RPRD1A: variants seen among roughly 807,000 people sequenced by gnomAD.
The protein encoded by RPRD1A is regulation of nuclear pre-mRNA domain containing 1A.
A neutral mutation model predicts 37.8 loss-of-function variants in RPRD1A; 9 were observed. That is an observed-to-expected ratio of 0.24 (90% confidence interval 0.14 to 0.42). The LOEUF (loss-of-function observed/expected upper bound fraction) is 0.42, where lower values mean the gene tolerates loss of function less well. RPRD1A is among the 10% of genes least tolerant of loss of function. The pLI, the probability that RPRD1A is intolerant of heterozygous loss-of-function variation, is 1.00. For missense variants in RPRD1A, 255 were observed against 371.0 expected (o/e 0.69, Z 2.57); for synonymous variants, 138 against 139.7 (o/e 0.99, Z 0.08).
At chr18:36,018,503 G>A (rs1378648040) in intron 6 of RPRD1A, among the ~76,000 whole-genome samples, 1 of 152,066 alleles carries the variant, frequency 6.6e-6, no homozygotes, top group Non-Finnish European at 1.5e-5. Context: ...TCGATGTCCT[G>A]ACCTCGTGAT....
intron 6 of RPRD1A, among the ~76,000 whole-genome samples, chr18:36,015,171 TATACAC>T (rs1397457240): frequency 2.2e-4 from 20 of 90,052 alleles, no homozygotes; most frequent in African/African-American, 6.8e-4. Context: ...TATACACATA[TATACAC>T]ACACACACAC....
chr18:36,012,128 A>G (rs1291357389), intron 6 of RPRD1A, among the ~76,000 whole-genome samples: 3 of 152,214 alleles, frequency 2.0e-5, no homozygotes, highest in Admixed American at 2.0e-4. Context: ...AATGGACTGC[A>G]TATACAACAG....
At chr18:36,024,300 C>A (rs1911210181) in intron 6 of RPRD1A, among the ~76,000 whole-genome samples, 1 of 151,082 alleles carries the variant, frequency 6.6e-6, no homozygotes, top group South Asian at 2.1e-4. Flanking sequence ...GCACCCACCA[C>A]CACACCTGGT....
chr18:35,996,096 TAA>T (rs1488691650), intron 6 of RPRD1A, among the ~76,000 whole-genome samples: 1 of 152,172 alleles, frequency 6.6e-6, no homozygotes, highest in African/African-American at 2.4e-5. Context: ...AAAATCTGAA[TAA>T]AGTGTGGCCT....
At chr18:36,008,577 G>GTGTGTGTGTGTGTATATATA in intron 6 of RPRD1A, among the ~76,000 whole-genome samples, 3 of 47,800 alleles carry the variant, frequency 6.3e-5, no homozygotes, top group East Asian at 1.6e-3. Flanking sequence ...CCTTGTGTGT[G>GTGTGTGTGTGTGTATATATA]TATATATATA....
intron 6 of RPRD1A, among the ~76,000 whole-genome samples, chr18:36,021,700 C>T (rs1489394712): frequency 6.6e-6 from 1 of 152,154 alleles, no homozygotes; most frequent in Non-Finnish European, 1.5e-5. Context: ...TCGAAGGAAA[C>T]TAAAATCGCC....
chr18:36,017,714 T>C (rs1195920652), intron 6 of RPRD1A, among the ~76,000 whole-genome samples: 3 of 152,240 alleles, frequency 2.0e-5, no homozygotes, highest in Non-Finnish European at 4.4e-5. Flanking sequence ...TAATTAGCAT[T>C]AGTATTGATA....
At chr18:36,000,132 C>T (rs1015407384) in intron 6 of RPRD1A, among the ~76,000 whole-genome samples, 4 of 152,062 alleles carry the variant, frequency 2.6e-5, no homozygotes, top group African/African-American at 9.7e-5. Flanking sequence ...AAGTCTGTTA[C>T]CATCCCCAGG....
At chr18:36,030,028 G>T (rs1011622360) in intron 4 of RPRD1A, among the ~76,000 whole-genome samples, 2 of 151,066 alleles carry the variant, frequency 1.3e-5, no homozygotes, top group African/African-American at 4.9e-5. Context: ...GGATGGTCTC[G>T]ATCTCCTGAC....
chr18:36,050,799 C>T (rs1448084812), intron 1 of RPRD1A, among the ~76,000 whole-genome samples: 1 of 151,692 alleles, frequency 6.6e-6, no homozygotes, highest in Non-Finnish European at 1.5e-5. Flanking sequence ...ACCACCTCAG[C>T]TTCCAAAAGT....
At chr18:36,062,588 T>C (rs569896605) in intron 1 of RPRD1A, among the ~76,000 whole-genome samples, 14 of 152,256 alleles carry the variant, frequency 9.2e-5, no homozygotes, top group Middle Eastern at 3.4e-3. Context: ...TATTCGGCCA[T>C]AGAAAAGACT....
intron 6 of RPRD1A, among the ~76,000 whole-genome samples, chr18:36,010,448 G>A (rs1327982386): frequency 6.6e-6 from 1 of 152,114 alleles, no homozygotes; most frequent in East Asian, 1.9e-4. Flanking sequence ...AGCTATGATC[G>A]TGCCACTGCA....
rs560018355 is a variant in RPRD1A at position 36,023,484 on chromosome 18, T to C, written c.789+3416A>G. On this transcript the variant is annotated intron_variant, in intron 6 of 6. Transcript: ENST00000399022. ...GGGCAAATAAAGTGGTTTCCTGAGATGGAATCTACTCCCAGTGGAGATGAA... is the reference window on the plus strand; with the variant it reads ...GGGCAAATAAAGTGGTTTCCTGAGACGGAATCTACTCCCAGTGGAGATGAA... 3.3e-5 allele frequency among the ~76,000 whole-genome samples: 5 copies of C among 152,318 alleles called. No homozygotes were observed. In the South Asian group the frequency reaches 8.3e-4, roughly 25 times the overall value.
Position 36,067,384 on chromosome 18 carries a change from C to T in RPRD1A, c.21G>A (p.Ala7=). MSAFSE[A]ALEKKLSELS... The stretch of plus-strand genomic sequence containing the variant: ...ACTCCGACAGCTTCTTCTCCAGCGC[C>T]GCCTCAGAGAAGGCTGACATCCCTC... The change falls in exon 1 of 7, where the codon GCG becomes GCA. Residue 7 remains alanine (A), a synonymous_variant. Transcript: ENST00000399022. The T allele has an allele frequency of 6.2e-7, 1 of 1,607,550 alleles. No individual in the cohort carries two copies. Among genetic ancestry groups the T allele is most frequent in the East Asian group, 2.2e-5 (1 of 44,590 alleles).
intron 1 of RPRD1A, among the ~76,000 whole-genome samples, chr18:36,043,100 T>C (rs1183866868): frequency 6.8e-6 from 1 of 148,030 alleles, no homozygotes; most frequent in Non-Finnish European, 1.5e-5. Flanking sequence ...GATTGATGTA[T>C]TGATATGGAA....
At chr18:36,015,490 C>A (rs1910490762) in intron 6 of RPRD1A, among the ~76,000 whole-genome samples, 1 of 152,186 alleles carries the variant, frequency 6.6e-6, no homozygotes, top group Admixed American at 6.5e-5. Flanking sequence ...GCGTGAGCCA[C>A]CATGCCCGGC....
chr18:36,064,912 G>A (rs1334863434), intron 1 of RPRD1A, among the ~76,000 whole-genome samples: 2 of 148,114 alleles, frequency 1.4e-5, no homozygotes, highest in African/African-American at 2.5e-5. Context: ...CGAATCCACC[G>A]AGAGGGACCA....
At chr18:36,014,242 C>T (rs1382630579) in intron 6 of RPRD1A, among the ~76,000 whole-genome samples, 1 of 152,186 alleles carries the variant, frequency 6.6e-6, no homozygotes, top group Non-Finnish European at 1.5e-5. Context: ...GAACAGACTA[C>T]TCTCAAAACA....
intron 1 of RPRD1A, among the ~76,000 whole-genome samples, chr18:36,036,270 T>TA (rs1568137139): frequency 6.6e-6 from 1 of 151,974 alleles, no homozygotes; most frequent in East Asian, 1.9e-4. Flanking sequence ...GATAAGGTCT[T>TA]ACTTTGTTGC....
Sources: gnomAD v4.1 joint callset for allele counts (sites outside exome capture counted in the v4.1 genomes callset) on GRCh38, gnomAD v4.1.1 for gene constraint, MANE v1.5 for transcripts, NCBI Gene and HGNC (gene_info 2026-07-23, HGNC 2026-07-21) for gene names.